The following COL22A1 variants were observed in gnomAD, a reference collection of about 807,000 sequenced individuals.
COL22A1 encodes collagen type XXII alpha 1 chain, also known as collagen alpha-1(XXII) chain.
Under a neutral mutation model 248.9 loss-of-function variants are expected in COL22A1, and 221 were observed. That is an observed-to-expected ratio of 0.89 (90% CI 0.80 to 0.99). The LOEUF is 0.99. Among genes scored for constraint, COL22A1 ranks in the 50% least tolerant of loss-of-function variants. COL22A1 has a pLI of 0.00. For synonymous variants in COL22A1, 891 were observed against 793.4 expected (o/e 1.12, Z -2.07); for missense variants, 2,240 against 2,179.0 (o/e 1.03, Z -0.56).
intron 56 of COL22A1, among the ~76,000 whole-genome samples, chr8:138,608,372 C>T (rs934264717): frequency 2.0e-5 from 3 of 152,178 alleles, no homozygotes; most frequent in Admixed American, 6.5e-5. Context: ...CACATAATTG[C>T]TCACACTGCC....
chr8:138,801,747 C>T (rs1053268466), intron 11 of COL22A1, among the ~76,000 whole-genome samples: 1 of 152,062 alleles, frequency 6.6e-6, no homozygotes, highest in African/African-American at 2.4e-5. Context: ...GGCATGGTGG[C>T]ACACACACAG....
At chr8:138,617,656 C>T (rs576690999) in intron 53 of COL22A1, among the ~76,000 whole-genome samples, 8 of 152,264 alleles carry the variant, frequency 5.3e-5, no homozygotes, top group East Asian at 1.9e-4. Flanking sequence ...CAAAAATGCC[C>T]GCCTGGCATA....
intron 1 of COL22A1, among the ~76,000 whole-genome samples, chr8:138,907,881 T>A (rs1356099477): frequency 6.6e-6 from 1 of 152,196 alleles, no homozygotes; most frequent in Non-Finnish European, 1.5e-5. Flanking sequence ...AGACCTTCCA[T>A]GAGGGGTGTG....
At chr8:138,739,957 T>G (rs912091781) in intron 22 of COL22A1, among the ~76,000 whole-genome samples, 1 of 152,192 alleles carries the variant, frequency 6.6e-6, no homozygotes, top group African/African-American at 2.4e-5. Context: ...CACAGATACC[T>G]TCAGAAGACA....
intron 4 of COL22A1, among the ~76,000 whole-genome samples, chr8:138,834,056 C>T (rs528696095): frequency 4.3e-4 from 65 of 152,312 alleles, no homozygotes; most frequent in African/African-American, 1.5e-3. Flanking sequence ...CACATTCCCC[C>T]ACAATGGGAT....
In COL22A1 at chr8:138,762,980, G is replaced by A. The variant is rs568016397; in HGVS notation, c.1804-514C>T. Reference sequence around the variant, plus strand: ...TACATTCAGACGGAGCTGACTGAGTGTCTTACTAGCTGTGGGATCTTGGGC... The same window carrying A: ...TACATTCAGACGGAGCTGACTGAGTATCTTACTAGCTGTGGGATCTTGGGC... On this transcript the variant is annotated intron_variant, in intron 16 of 64. Coordinates refer to ENST00000303045, the MANE Select transcript of COL22A1 (RefSeq NM_152888.3). Among the ~76,000 whole-genome samples, 3 of 152,186 alleles carry A rather than the reference G, an allele frequency of 2.0e-5. No homozygotes were observed. The South Asian group carries it at 6.2e-4, about 32-fold the overall frequency.
At chr8:138,734,373 G>A (rs1023919622) in intron 23 of COL22A1, among the ~76,000 whole-genome samples, 8 of 152,118 alleles carry the variant, frequency 5.3e-5, no homozygotes, top group East Asian at 1.9e-4. Context: ...TACCCAGTGC[G>A]TACTTAATAA....
At chr8:138,637,739 G>A (rs1303446115) in intron 47 of COL22A1, among the ~76,000 whole-genome samples, 1 of 152,064 alleles carries the variant, frequency 6.6e-6, no homozygotes, top group Non-Finnish European at 1.5e-5. Context: ...AATATACAAA[G>A]TGCTTAGACT....
rs936782687 is a variant in COL22A1 at position 138,607,845 on chromosome 8, A to T, written c.4032+91T>A. 1.4e-5 allele frequency: 18 copies of T among 1,266,416 alleles called. No homozygotes were observed. In the Admixed American group the frequency reaches 3.3e-4, roughly 24 times the overall value. 78.4% of individuals were successfully genotyped at this position (1,266,416 alleles called of 1,614,324 possible). On this transcript the variant is annotated intron_variant, in intron 57 of 64. Transcript: ENST00000303045. Reference sequence around the variant, plus strand: ...CCCATATGTCCCCACCGATGCTTCTAGGGACAGAGGCTGGACAATCTGTAA... The same window carrying T: ...CCCATATGTCCCCACCGATGCTTCTTGGGACAGAGGCTGGACAATCTGTAA...
At chr8:138,666,276 CAG>C (rs952309539) in intron 41 of COL22A1, among the ~76,000 whole-genome samples, 1 of 152,106 alleles carries the variant, frequency 6.6e-6, no homozygotes, top group South Asian at 2.1e-4. Context: ...GCTAGGGAAA[CAG>C]AGATGAATGA....
At chr8:138,615,836 G>C (rs531722425) in intron 55 of COL22A1, among the ~76,000 whole-genome samples, 165 bp downstream of exon 55, 1 of 152,268 alleles carries the variant, frequency 6.6e-6, no homozygotes, top group African/African-American at 2.4e-5. Context: ...CCACCCACTA[G>C]GTTGGAGGCG....
intron 51 of COL22A1, 90 bp downstream of exon 51, chr8:138,626,100 T>C (rs1211649590): frequency 1.0e-6 from 1 of 1,001,568 alleles, no homozygotes; most frequent in Non-Finnish European, 1.5e-6. Context: ...CCAGGCCTTG[T>C]TTTGACAGTG....
chr8:138,832,237 T>A (rs565368191), intron 5 of COL22A1, among the ~76,000 whole-genome samples: 1 of 152,300 alleles, frequency 6.6e-6, no homozygotes, highest in African/African-American at 2.4e-5. Context: ...CAGCAGCCCT[T>A]GGGGCTGCTC....
intron 39 of COL22A1, among the ~76,000 whole-genome samples, chr8:138,684,084 C>A (rs1564189384): frequency 1.3e-5 from 2 of 151,772 alleles, no homozygotes; most frequent in African/African-American, 2.4e-5. Context: ...ATAGTGAAAC[C>A]CCATCTCTAC....
At chr8:138,668,473 A>T (rs1422750910) in intron 41 of COL22A1, among the ~76,000 whole-genome samples, 1 of 152,212 alleles carries the variant, frequency 6.6e-6, no homozygotes, top group East Asian at 1.9e-4. Flanking sequence ...CAGCCATGCT[A>T]TTGGTGTTTT....
Position 138,589,314 on chromosome 8 carries a change from G to T in COL22A1, c.4820C>A (p.Pro1607His). ...GPPGPPGQCDPSQCAYFASLA... is the reference protein window; with the variant it reads ...GPPGPPGQCDHSQCAYFASLA... ...GCTGGCGAAGTAGGCACACTGGGAA[G>T]GGTCACATTGGCCTGGGGGACCGGG... is the stretch of plus-strand genomic sequence containing the variant. The change falls in exon 65 of 65, where the codon CCT (proline) becomes CAT (histidine). Residue 1607 changes from proline (P) to histidine (H), a missense_variant. Coordinates refer to ENST00000303045, the MANE Select transcript of COL22A1 (RefSeq NM_152888.3). The T allele has an allele frequency of 6.2e-7, 1 of 1,613,734 alleles. No individual in the cohort carries two copies. Among genetic ancestry groups the T allele is most frequent in the Non-Finnish European group, 8.5e-7 (1 of 1,179,790 alleles).
chr8:138,749,661 AAGAAGTAAACC>A (rs1376012563), intron 22 of COL22A1, among the ~76,000 whole-genome samples: 1 of 152,186 alleles, frequency 6.6e-6, no homozygotes, highest in Non-Finnish European at 1.5e-5. Context: ...CCACTGTAGC[AAGAAGTAAACC>A]GGCCTGGAGA....
chr8:138,839,770 C>A (rs1052563199), intron 4 of COL22A1, among the ~76,000 whole-genome samples: 1 of 152,178 alleles, frequency 6.6e-6, no homozygotes, highest in African/African-American at 2.4e-5. Flanking sequence ...AAATTTGAGA[C>A]CTGCACATGC....
intron 63 of COL22A1, among the ~76,000 whole-genome samples, chr8:138,593,637 C>A (rs1331463259): frequency 4.6e-5 from 7 of 152,088 alleles, no homozygotes; most frequent in Admixed American, 3.3e-4. Context: ...CAGTTAACAG[C>A]TGTTTTGTTC....
Sources: allele counts gnomAD v4.1 joint callset (sites outside exome capture counted in the v4.1 genomes callset), GRCh38; gene constraint gnomAD v4.1.1; transcripts MANE v1.5; gene names NCBI Gene and HGNC (gene_info 2026-07-23, HGNC 2026-07-21).